ACP3: variants seen among roughly 807,000 people sequenced by gnomAD.
ACP3 encodes acid phosphatase 3.
In ACP3, 38 loss-of-function variants were observed where a neutral mutation model predicts 45.6. The ratio of observed to expected loss-of-function variants is 0.83; its 90% CI spans 0.64 to 1.09. ACP3 has a LOEUF of 1.09. ACP3 is among the 50% of genes least tolerant of loss of function. The pLI, the probability that ACP3 is intolerant of heterozygous loss-of-function variation, is 0.00. For synonymous variants in ACP3, 162 were observed against 164.7 expected, an observed-to-expected ratio of 0.98 and a Z score of 0.13; for missense variants, 466 against 463.2, an observed-to-expected ratio of 1.01 and a Z score of -0.05.
In ACP3 at chr3:132,345,019, T is replaced by A; in HGVS notation, c.741T>A (p.Tyr247Ter). 6.2e-7 allele frequency: 1 copy of A among 1,613,794 alleles called. No individual in the cohort carries two copies. Among genetic ancestry groups the A allele is most frequent in the Non-Finnish European group, 8.5e-7 (1 of 1,179,848 alleles). ...CAGAATTGTCCCTCCTGTCCCTCTATGGAATTCACAAGCAGAAAGAGAAAT... is the reference window on the plus strand; with the variant it reads ...CAGAATTGTCCCTCCTGTCCCTCTAAGGAATTCACAAGCAGAAAGAGAAAT... Reference protein sequence around the residue: ...ELSELSLLSLYGIHKQKEKSR... With the variant: ...ELSELSLLSL Residue 247 changes from tyrosine to a stop codon, truncating the protein, a stop_gained, in exon 7 of 10, where the codon TAT (tyrosine) becomes TAA (stop). Coordinates refer to ENST00000336375, the MANE Select transcript of ACP3 (RefSeq NM_001099.5). LOFTEE classifies it high-confidence loss of function.
rs1937534529 is a variant in ACP3 at position 132,340,022 on chromosome 3, A to C, written c.555+2468A>C. Among the ~76,000 whole-genome samples, 5 of 152,130 alleles carry C rather than the reference A, an allele frequency of 3.3e-5. No homozygotes were observed. In the South Asian group the frequency reaches 1.0e-3, roughly 32 times the overall value. ...TCTATGGCAGAAAATGGAGATGAAC[A>C]CCAAATAGAAGGCCGGGCACAGTGG... is the stretch of plus-strand genomic sequence containing the variant. On this transcript the variant is annotated intron_variant, in intron 5 of 9. Coordinates refer to ENST00000336375, the MANE Select transcript of ACP3 (RefSeq NM_001099.5).
chr3:132,341,168 G>A (rs916581794), intron 5 of ACP3, among the ~76,000 whole-genome samples: 2 of 152,098 alleles, frequency 1.3e-5, no homozygotes, highest in African/African-American at 4.8e-5. Context: ...ACTACTTACA[G>A]TATAATGTTA....
In ACP3 at chr3:132,356,965, G is replaced by A; in HGVS notation, c.*87G>A. The A allele has an allele frequency of 6.8e-7, 1 of 1,477,874 alleles. No individual in the cohort carries two copies. Among genetic ancestry groups the A allele is most frequent in the Non-Finnish European group, 9.0e-7 (1 of 1,114,580 alleles). 91.5% of individuals were successfully genotyped at this position (1,477,874 alleles called of 1,614,324 possible). A position where few individuals can be genotyped will look rare whatever the true frequency, so the allele number is the denominator to read the frequency against. On this transcript the variant is annotated 3_prime_UTR_variant, in exon 10 of 10. Transcript: ENST00000336375. Reference sequence around the variant, plus strand: ...GAACATACTTTGGCCATTACCCCCAGCTTTGAGGAAAATGGGCTTTGGATG... The same window carrying A: ...GAACATACTTTGGCCATTACCCCCAACTTTGAGGAAAATGGGCTTTGGATG...
At position 132,358,791 on chromosome 3, in the gene ACP3, G is replaced by T. The variant is rs965227420; in HGVS notation, c.*1913G>T. Reference sequence around the variant, plus strand: ...GCTTTTATAATGAACTTAGAAAAACGTATGTGTGTGTGTTTAATTAGAATA... The same window carrying T: ...GCTTTTATAATGAACTTAGAAAAACTTATGTGTGTGTGTTTAATTAGAATA... On this transcript the variant is annotated 3_prime_UTR_variant, in exon 10 of 10. Coordinates refer to ENST00000336375, the MANE Select transcript of ACP3 (RefSeq NM_001099.5). 2 of 986,004 alleles carry T rather than the reference G, an allele frequency of 2.0e-6. No homozygotes were observed. Among genetic ancestry groups the T allele is most frequent in the South Asian group, 9.3e-5 (2 of 21,392 alleles). 61.1% of individuals were successfully genotyped at this position (986,004 alleles called of 1,614,324 possible).
intron 1 of ACP3, among the ~76,000 whole-genome samples, chr3:132,326,076 A>G (rs1482767372): frequency 6.6e-6 from 1 of 152,108 alleles, no homozygotes; most frequent in Non-Finnish European, 1.5e-5. Context: ...GTGGCTCTCA[A>G]CTTGGGGTGA....
chr3:132,365,106 A>G (rs1447549189), intron 10 of ACP3, among the ~76,000 whole-genome samples: 2 of 152,246 alleles, frequency 1.3e-5, no homozygotes, highest in Admixed American at 6.5e-5. Flanking sequence ...TAAGTCATTA[A>G]GTTTTTTCTA....
At chr3:132,350,460 T>C (rs1937702168) in intron 8 of ACP3, among the ~76,000 whole-genome samples, 1 of 152,240 alleles carries the variant, frequency 6.6e-6, no homozygotes, top group African/African-American at 2.4e-5. Context: ...AATTAGTGGA[T>C]GTTAACTGTG....
chr3:132,365,335 C>T (rs1478627718), intron 10 of ACP3, among the ~76,000 whole-genome samples: 1 of 152,138 alleles, frequency 6.6e-6, no homozygotes, highest in Non-Finnish European at 1.5e-5. Context: ...ACAAGATGCA[C>T]TTTTAAATGG....
chr3:132,355,824 A>G (rs1937879491), intron 9 of ACP3, among the ~76,000 whole-genome samples: 1 of 152,212 alleles, frequency 6.6e-6, no homozygotes. Flanking sequence ...CCTTATAGAC[A>G]TAAGTGAATA....
intron 7 of ACP3, among the ~76,000 whole-genome samples, chr3:132,348,209 C>T (rs1937638487): frequency 6.6e-6 from 1 of 152,116 alleles, no homozygotes. Context: ...TTTATGTCTT[C>T]AGGTCAATGA....
chr3:132,336,166 A>C (rs1937486740), intron 4 of ACP3, among the ~76,000 whole-genome samples: 1 of 152,136 alleles, frequency 6.6e-6, no homozygotes, highest in Non-Finnish European at 1.5e-5. Context: ...AGAGTGAGGA[A>C]GGAGAATGGC....
chr3:132,324,649 A>T (rs550074162), intron 1 of ACP3, among the ~76,000 whole-genome samples: 26 of 151,916 alleles, frequency 1.7e-4, no homozygotes, highest in Non-Finnish European at 2.8e-4. Context: ...TTTTATTTTT[A>T]TTTATTTATT....
At chr3:132,345,361 T>C (rs1447323679) in intron 7 of ACP3, among the ~76,000 whole-genome samples, 2 of 152,236 alleles carry the variant, frequency 1.3e-5, no homozygotes, top group East Asian at 3.8e-4. Flanking sequence ...TAGTTTTCTA[T>C]CTGGAAAATG....
chr3:132,357,727 G>A lies in ACP3; in HGVS notation c.*849G>A, dbSNP rs1576428948. The A allele has an allele frequency of 1.0e-6, 1 of 985,350 alleles. No homozygotes were observed. The highest frequency in any genetic ancestry group is 1.2e-6 in the Non-Finnish European group (1 of 829,924). 61.0% of individuals were successfully genotyped at this position (985,350 alleles called of 1,614,324 possible). A position where few individuals can be genotyped will look rare whatever the true frequency, so the allele number is the denominator to read the frequency against. ...TTCTCTAGAAGCTCCAGTGATAAGAGATGTTGACTCTAAAGTTGATTTAAG... is the reference window on the plus strand; with the variant it reads ...TTCTCTAGAAGCTCCAGTGATAAGAAATGTTGACTCTAAAGTTGATTTAAG... On this transcript the variant is annotated 3_prime_UTR_variant, in exon 10 of 10. Coordinates refer to ENST00000336375, the MANE Select transcript of ACP3 (RefSeq NM_001099.5).
chr3:132,361,078 A>G (rs1335936764), downstream of ACP3, among the ~76,000 whole-genome samples: 1 of 152,136 alleles, frequency 6.6e-6, no homozygotes, highest in Non-Finnish European at 1.5e-5. Context: ...CCATAAACAC[A>G]TTTCTATGTG....
At chr3:132,355,809 C>T (rs1937879040) in intron 9 of ACP3, among the ~76,000 whole-genome samples, 1 of 152,264 alleles carries the variant, frequency 6.6e-6, no homozygotes, top group African/African-American at 2.4e-5. Context: ...AGCCACTGCG[C>T]CCAGCCTTAT....
At position 132,334,118 on chromosome 3, in the gene ACP3, C is replaced by G. The variant is rs148012533; in HGVS notation, c.456+1774C>G. ...CAAAACAAAGACTGGATAGCAGCAC[C>G]AAAATTTAGCAAAATGTAGACCACA... On this transcript the variant is annotated intron_variant, in intron 4 of 9. Transcript: ENST00000336375. Among the ~76,000 whole-genome samples, 670 of 152,166 alleles carry G rather than the reference C, an allele frequency of 4.4e-3. 3 individuals are homozygous for G. Among genetic ancestry groups the G allele is most frequent in the South Asian group, 8.1e-3 (39 of 4,822 alleles).
At chr3:132,324,547 C>T (rs962545523) in intron 1 of ACP3, among the ~76,000 whole-genome samples, 20 of 152,140 alleles carry the variant, frequency 1.3e-4, no homozygotes, top group Non-Finnish European at 2.1e-4. Context: ...GCCAACCTGT[C>T]CTCAGACGGG....
At chr3:132,334,213 A>C (rs1937452310) in intron 4 of ACP3, among the ~76,000 whole-genome samples, 2 of 152,218 alleles carry the variant, frequency 1.3e-5, no homozygotes, top group African/African-American at 4.8e-5. Context: ...AGGTGCTAGT[A>C]GAAGAGGAGG....
Sources: allele counts gnomAD v4.1 joint callset (sites outside exome capture counted in the v4.1 genomes callset), GRCh38; gene constraint gnomAD v4.1.1; transcripts MANE v1.5; gene names NCBI Gene and HGNC (gene_info 2026-07-23, HGNC 2026-07-21).